The following VRK2 variants were observed in gnomAD, a reference collection of about 807,000 sequenced individuals.
VRK2 encodes serine/threonine-protein kinase VRK2.
In VRK2, 60 loss-of-function variants were observed where a neutral mutation model predicts 57.6. That is an observed-to-expected ratio of 1.04 (90% CI 0.85 to 1.29). The LOEUF is 1.29. VRK2 is among the 50% of genes most tolerant of loss of function. VRK2 has a pLI of 0.00. For synonymous variants in VRK2, 231 were observed against 199.2 expected, an observed-to-expected ratio of 1.16 and a Z score of -1.35; for missense variants, 705 against 588.1, an observed-to-expected ratio of 1.20 and a Z score of -2.06.
At chr2:58,113,051 CTG>C (rs1406024265) in intron 7 of VRK2, among the ~76,000 whole-genome samples, 1 of 152,140 alleles carries the variant, frequency 6.6e-6, no homozygotes, top group Non-Finnish European at 1.5e-5. Context: ...TGGCTCACGC[CTG>C]TAATCCCAGC....
chr2:57,974,511 A>T (rs1672188981), intron 1 of VRK2, among the ~76,000 whole-genome samples: 1 of 151,900 alleles, frequency 6.6e-6, no homozygotes, highest in Admixed American at 6.6e-5. Flanking sequence ...AGAACAAAAA[A>T]CTAAATATAA....
intron 1 of VRK2, among the ~76,000 whole-genome samples, chr2:57,982,331 G>A (rs1301930738): frequency 1.3e-5 from 2 of 152,192 alleles, no homozygotes; most frequent in South Asian, 2.1e-4. Context: ...TGCTCTGGGC[G>A]GAGGGTGGCA....
chr2:58,152,535 T>A (rs1333985729), intron 12 of VRK2, among the ~76,000 whole-genome samples: 1 of 151,962 alleles, frequency 6.6e-6, no homozygotes. Context: ...ATCCCAGTAT[T>A]TACAGTTACT....
At chr2:57,939,428 T>C (rs1318226747) in intron 1 of VRK2, among the ~76,000 whole-genome samples, 1 of 152,210 alleles carries the variant, frequency 6.6e-6, no homozygotes, top group Non-Finnish European at 1.5e-5. Flanking sequence ...TACCAGCCAC[T>C]TTTTTCTATA....
intron 2 of VRK2, among the ~76,000 whole-genome samples, chr2:58,052,619 A>G (rs1438169706): frequency 1.3e-5 from 2 of 150,960 alleles, no homozygotes; most frequent in South Asian, 4.2e-4. Context: ...AAAAAAAAAA[A>G]TGCTGCCATA....
intron 3 of VRK2, among the ~76,000 whole-genome samples, chr2:58,034,978 C>CATG (rs949591065): frequency 3.3e-5 from 5 of 151,984 alleles, no homozygotes; most frequent in Admixed American, 3.3e-4. Context: ...CTCCTGATGA[C>CATG]ATGATGCCTG....
intron 2 of VRK2, among the ~76,000 whole-genome samples, chr2:58,078,147 C>T (rs971121209): frequency 6.6e-6 from 1 of 152,052 alleles, no homozygotes; most frequent in Non-Finnish European, 1.5e-5. Flanking sequence ...CAGTAATTCT[C>T]CATTTTCCTC....
intron 3 of VRK2, among the ~76,000 whole-genome samples, chr2:58,037,381 T>C (rs1452942638): frequency 2.0e-5 from 3 of 152,092 alleles, no homozygotes; most frequent in Non-Finnish European, 4.4e-5. Flanking sequence ...GCTCAAGGTC[T>C]ATAGGCCCTA....
chr2:58,075,415 G>A (rs537993974), intron 2 of VRK2, among the ~76,000 whole-genome samples: 2 of 152,046 alleles, frequency 1.3e-5, no homozygotes, highest in Non-Finnish European at 2.9e-5. Context: ...CAATGGGATT[G>A]CTGGGTTGAA....
intron 1 of VRK2, among the ~76,000 whole-genome samples, chr2:58,008,335 G>T (rs1174020044): frequency 6.6e-6 from 1 of 151,814 alleles, no homozygotes; most frequent in African/African-American, 2.4e-5. Context: ...TCATATTATA[G>T]AAAAAACAGG....
intron 12 of VRK2, among the ~76,000 whole-genome samples, chr2:58,157,814 C>G (rs1298285976): frequency 6.6e-6 from 1 of 152,188 alleles, no homozygotes; most frequent in Non-Finnish European, 1.5e-5. Context: ...TTTGTCAGAA[C>G]TATTCAACAA....
chr2:58,159,885 T>C (rs1684843984), downstream of VRK2: 1 of 1,585,750 alleles, frequency 6.3e-7, no homozygotes, highest in Non-Finnish European at 8.6e-7. Context: ...TGTCATAGAA[T>C]AGTGTCATAG....
chr2:58,135,211 A>T lies in VRK2; in HGVS notation c.856+12A>T. ...TGGAAGCAGTTGCTGTAAGTCAAAT[A>T]ATAACTTCAACCTTCTCTTACGATT... On this transcript the variant is annotated intron_variant, in intron 10 of 12. Coordinates refer to ENST00000340157, the MANE Select transcript of VRK2 (RefSeq NM_006296.7). The T allele has an allele frequency of 6.2e-7, 1 of 1,614,060 alleles. No individual in the cohort carries two copies.
At chr2:57,939,014 G>C (rs1188890480) in intron 1 of VRK2, among the ~76,000 whole-genome samples, 1 of 152,148 alleles carries the variant, frequency 6.6e-6, no homozygotes, top group Non-Finnish European at 1.5e-5. Context: ...AGTTCAAACT[G>C]AGAAACAGAC....
intron 1 of VRK2, among the ~76,000 whole-genome samples, chr2:58,021,783 G>A (rs767052152): frequency 6.6e-6 from 1 of 152,030 alleles, no homozygotes; most frequent in African/African-American, 2.4e-5. Context: ...ATTGGCTACC[G>A]AAACCTACAT....
chr2:58,022,323 T>A (rs1040978946), intron 1 of VRK2, among the ~76,000 whole-genome samples: 1 of 152,206 alleles, frequency 6.6e-6, no homozygotes, highest in Admixed American at 6.5e-5. Context: ...AGCCTGTGAA[T>A]TGAGTGAGCA....
upstream of VRK2, among the ~76,000 whole-genome samples, chr2:58,044,496 T>A (rs965729956): frequency 6.6e-6 from 1 of 152,200 alleles, no homozygotes; most frequent in Admixed American, 6.5e-5. Flanking sequence ...TCATGAAACA[T>A]ACAATTTACT....
chr2:58,005,531 T>C (rs1461119019), intron 1 of VRK2, among the ~76,000 whole-genome samples: 1 of 151,860 alleles, frequency 6.6e-6, no homozygotes, highest in Non-Finnish European at 1.5e-5. Flanking sequence ...ATGGGTAAAG[T>C]AAAAAATAAA....
chr2:57,938,191 TA>T (rs922539369), intron 1 of VRK2, among the ~76,000 whole-genome samples: 4 of 152,220 alleles, frequency 2.6e-5, no homozygotes, highest in African/African-American at 9.6e-5. Flanking sequence ...TTAAATCATT[TA>T]AAATTTATTC....
Sources: gnomAD v4.1 joint callset for allele counts (sites outside exome capture counted in the v4.1 genomes callset) on GRCh38, gnomAD v4.1.1 for gene constraint, MANE v1.5 for transcripts, NCBI Gene and HGNC (gene_info 2026-07-23, HGNC 2026-07-21) for gene names.